ELP1: variants seen among roughly 807,000 people sequenced by gnomAD.
The protein encoded by ELP1 is elongator complex protein 1.
A neutral mutation model predicts 183.2 loss-of-function variants in ELP1; 131 were observed. The observed-to-expected ratio is 0.72, with a 90% CI of 0.62 to 0.83. ELP1 has a LOEUF of 0.83. Ranked by LOEUF, ELP1 falls within the 40% of genes least tolerant of loss-of-function variation. The pLI, the probability that ELP1 is intolerant of heterozygous loss-of-function variation, is 0.00. For missense variants in ELP1, 1,550 were observed against 1,594.9 expected (o/e 0.97, Z 0.48); for synonymous variants, 555 against 569.0 (o/e 0.98, Z 0.35).
At chr9:108,925,434 T>C (rs983851583) in intron 5 of ELP1, among the ~76,000 whole-genome samples, 3 of 152,168 alleles carry the variant, frequency 2.0e-5, no homozygotes, top group Non-Finnish European at 4.4e-5. Context: ...ATGGACACAT[T>C]CACTTGCTTG....
rs757489921 is a variant in ELP1 at position 108,912,327 on chromosome 9, T to C, written c.1126A>G (p.Thr376Ala). ...TTATCTCCCACGCTCCGGTCAGTCG[T>C]CCAGTGCCAATCATAGGCGAGGTAA... ...WHYLAYDWHW[T>A]TDRSVGDNSS... Residue 376 changes from threonine (T) to alanine (A), a missense_variant, in exon 11 of 37, where the codon ACG becomes GCG. Coordinates refer to ENST00000374647, the MANE Select transcript of ELP1 (RefSeq NM_003640.5). 6.2e-7 allele frequency: 1 copy of C among 1,614,118 alleles called. No individual in the cohort carries two copies. Among genetic ancestry groups the C allele is most frequent in the East Asian group, 2.2e-5 (1 of 44,876 alleles).
chr9:108,917,792 T>C (rs572473756), intron 8 of ELP1, 122 bp from the exon 9 acceptor site: 2 of 1,111,748 alleles, frequency 1.8e-6, no homozygotes, highest in African/African-American at 3.1e-5. Flanking sequence ...AATGAATATC[T>C]TTATCCAAGG....
intron 36 of ELP1, 45 bp from the exon 37 acceptor site, chr9:108,869,227 T>C (rs1827345993): frequency 6.5e-7 from 1 of 1,540,012 alleles, no homozygotes; most frequent in Non-Finnish European, 9.0e-7. Context: ...CATACTCTTG[T>C]TGGAGGGCGC....
In ELP1 at chr9:108,917,467, C is replaced by CA. The variant is rs34189987; in HGVS notation, c.864+79dup. 0.13 allele frequency: 159,078 copies of CA among 1,187,476 alleles called. 2,175 individuals are homozygous for CA. Among genetic ancestry groups the CA allele is most frequent in the African/African-American group, 0.27 (15,736 of 57,738 alleles). 73.6% of individuals were successfully genotyped at this position (1,187,476 alleles called of 1,614,324 possible). A position where few individuals can be genotyped will look rare whatever the true frequency, so the allele number is the denominator to read the frequency against. ...GGGCAACAAGAATGAAACTCCATCT[C>CA]AAAAAAAAAAAAAAAAAATTCCCTC... On this transcript the variant is annotated intron_variant, in intron 9 of 36. Transcript: ENST00000374647.
intron 10 of ELP1, among the ~76,000 whole-genome samples, chr9:108,915,311 G>A (rs1829390661): frequency 6.6e-6 from 1 of 152,142 alleles, no homozygotes; most frequent in South Asian, 2.1e-4. Context: ...AACTCCAGAT[G>A]TTGCTGTGAA....
At chr9:108,891,856 G>A (rs995739540) in intron 27 of ELP1, among the ~76,000 whole-genome samples, 1 of 152,092 alleles carries the variant, frequency 6.6e-6, no homozygotes, top group East Asian at 1.9e-4. Flanking sequence ...AATAAACCAC[G>A]TGATGAGATA....
intron 34 of ELP1, 119 bp from the exon 35 acceptor site, chr9:108,878,268 C>T: frequency 1.2e-6 from 1 of 826,604 alleles, no homozygotes; most frequent in Non-Finnish European, 2.0e-6. Flanking sequence ...TCCTTTCTCC[C>T]ACATTATCTT....
chr9:108,906,749 C>T (rs941918148), intron 13 of ELP1, among the ~76,000 whole-genome samples: 4 of 152,126 alleles, frequency 2.6e-5, no homozygotes, highest in Non-Finnish European at 4.4e-5. Flanking sequence ...ACTGACTACA[C>T]AAGAAAATTA....
intron 10 of ELP1, among the ~76,000 whole-genome samples, chr9:108,913,474 T>C (rs1364327740): frequency 6.6e-6 from 1 of 152,222 alleles, no homozygotes; most frequent in Non-Finnish European, 1.5e-5. Flanking sequence ...ATATTATTTA[T>C]ATTAAGGATT....
In ELP1 at chr9:108,892,989, G is replaced by A. The variant is rs1464310051; in HGVS notation, c.2955C>T (p.Tyr985=). ...LKLYSPSSQQ[Y]QDISIAYGEH... ...CTCATTTTCACATACCACATACCTG[G>A]TACTGTTGTGAGCTTGGTGAATATA... The change falls in exon 27 of 37, where the codon TAC becomes TAT. Residue 985 remains tyrosine (Y), a synonymous_variant. Transcript: ENST00000374647. 2 of 1,609,450 alleles carry A rather than the reference G, an allele frequency of 1.2e-6. No homozygotes were observed. The highest frequency in any genetic ancestry group is 8.5e-7 in the Non-Finnish European group (1 of 1,175,756).
chr9:108,917,525 T>C (rs1486374755), intron 9 of ELP1, 22 bp downstream of exon 9: 2 of 1,610,246 alleles, frequency 1.2e-6, no homozygotes, highest in African/African-American at 2.7e-5. Context: ...CATTCGAGGG[T>C]GAAACAAACT....
At chr9:108,883,823 A>C (rs921045849) in intron 29 of ELP1, among the ~76,000 whole-genome samples, 1 of 152,172 alleles carries the variant, frequency 6.6e-6, no homozygotes, top group African/African-American at 2.4e-5. Flanking sequence ...TGGAATTATG[A>C]AAAATACTAA....
At chr9:108,907,920 T>G (rs1829077697) in intron 13 of ELP1, among the ~76,000 whole-genome samples, 1 of 152,206 alleles carries the variant, frequency 6.6e-6, no homozygotes, top group African/African-American at 2.4e-5. Flanking sequence ...TTCTAGATTC[T>G]GGGATGGAGC....
chr9:108,903,201 A>T (rs1156702286), intron 15 of ELP1, among the ~76,000 whole-genome samples: 1 of 152,034 alleles, frequency 6.6e-6, no homozygotes, highest in African/African-American at 2.4e-5. Flanking sequence ...TACATTAGGT[A>T]TATCTCCTAA....
In ELP1 at chr9:108,878,643, T is replaced by C. The variant is rs1272852371; in HGVS notation, c.3680A>G (p.Gln1227Arg). Residue 1227 changes from glutamine (Q) to arginine (R), a missense_variant, in exon 34 of 37, where the codon CAG becomes CGG. Gln to Arg is a conservative substitution (Grantham distance 43). Coordinates refer to ENST00000374647, the MANE Select transcript of ELP1 (RefSeq NM_003640.5). ...TATACCTTTCAGGTTTTCAGTGTTCTGCACCACTTCACTCAGTGCCTCCAG... is the reference window on the plus strand; with the variant it reads ...TATACCTTTCAGGTTTTCAGTGTTCCGCACCACTTCACTCAGTGCCTCCAG... ...ALLEALSEVV[Q>R]NTENLKDEVY... 1.9e-6 allele frequency: 3 copies of C among 1,614,132 alleles called. No homozygotes were observed. The highest frequency in any genetic ancestry group is 2.5e-6 in the Non-Finnish European group (3 of 1,180,054).
Position 108,902,888 on chromosome 9 carries a change from C to G in ELP1, c.1805G>C (p.Arg602Pro), listed in dbSNP as rs369627815. ...GGTCTGGGTGCATGGATAAGGAAAC[C>G]GAACAGGAAATCCACCAGAGTTCTT... ...PWKNSGGFPVRFPYPCTQTEL... is the reference protein window; with the variant it reads ...PWKNSGGFPVPFPYPCTQTEL... The change falls in exon 16 of 37, where the codon CGG becomes CCG. Residue 602 changes from arginine (R) to proline (P), a missense_variant. Physicochemically the swap from Arg to Pro is moderately radical, Grantham distance 103. Coordinates refer to ENST00000374647, the MANE Select transcript of ELP1 (RefSeq NM_003640.5). 1 of 1,613,958 alleles carries G rather than the reference C, an allele frequency of 6.2e-7. No individual in the cohort carries two copies. Among genetic ancestry groups the G allele is most frequent in the Non-Finnish European group, 8.5e-7 (1 of 1,179,910 alleles).
chr9:108,898,729 A>G lies in ELP1; in HGVS notation c.2225T>C (p.Phe742Ser), dbSNP rs772250912. Residue 742 changes from phenylalanine (F) to serine (S), a missense_variant, in exon 21 of 37, where the codon TTT becomes TCT. By Grantham distance (155) the Phe-to-Ser change is radical (BLOSUM62 -2). Coordinates refer to ENST00000374647, the MANE Select transcript of ELP1 (RefSeq NM_003640.5). ...WLDKLMFKEAFECMRKLRINL... is the reference protein window; with the variant it reads ...WLDKLMFKEASECMRKLRINL... Reference sequence around the variant, plus strand: ...GATTCTCAGCTTTCTCATGCATTCAAATGCCTCTTTAAACATAAGTCTGTG... The same window carrying G: ...GATTCTCAGCTTTCTCATGCATTCAGATGCCTCTTTAAACATAAGTCTGTG... The G allele has an allele frequency of 1.9e-6, 3 of 1,611,642 alleles. No homozygotes were observed. The highest frequency in any genetic ancestry group is 2.5e-6 in the Non-Finnish European group (3 of 1,178,544).
intron 12 of ELP1, among the ~76,000 whole-genome samples, chr9:108,910,113 A>T (rs1044110237): frequency 5.3e-5 from 8 of 152,202 alleles, no homozygotes; most frequent in Admixed American, 5.2e-4. Context: ...AGTCCCACAA[A>T]AGCTTACATC....
intron 29 of ELP1, among the ~76,000 whole-genome samples, chr9:108,887,449 G>A (rs1241955283): frequency 1.3e-5 from 2 of 152,108 alleles, no homozygotes; most frequent in East Asian, 3.8e-4. Flanking sequence ...AAATCCTAGA[G>A]AATACACCCA....
Sources: gnomAD v4.1 joint callset for allele counts (sites outside exome capture counted in the v4.1 genomes callset) on GRCh38, gnomAD v4.1.1 for gene constraint, MANE v1.5 for transcripts, NCBI Gene and HGNC (gene_info 2026-07-23, HGNC 2026-07-21) for gene names.